CTDSPL2: variants seen among roughly 807,000 people sequenced by gnomAD.
CTDSPL2 encodes CTD small phosphatase-like protein 2.
In CTDSPL2, 5 loss-of-function variants were observed where a neutral mutation model predicts 60.0. That is an observed-to-expected ratio of 0.08 (90% confidence interval 0.04 to 0.18). The LOEUF is 0.18. Ranked by LOEUF, CTDSPL2 falls within the 10% of genes least tolerant of loss-of-function variation. The probability of loss-of-function intolerance (pLI) is 1.00; values close to 1 mark genes in which losing one functional copy is unlikely to be tolerated. For missense variants in CTDSPL2, 370 were observed against 548.8 expected, an observed-to-expected ratio of 0.67 and a Z score of 3.26; for synonymous variants, 186 against 189.3, an observed-to-expected ratio of 0.98 and a Z score of 0.14.
intron 8 of CTDSPL2, among the ~76,000 whole-genome samples, chr15:44,508,900 A>C (rs1456882757): frequency 6.6e-6 from 1 of 152,204 alleles, no homozygotes; most frequent in Admixed American, 6.5e-5. Context: ...CCTGGGTGAC[A>C]GAGTGAGACT....
At chr15:44,477,033 G>T (rs1249358079) in intron 2 of CTDSPL2, among the ~76,000 whole-genome samples, 3 of 152,152 alleles carry the variant, frequency 2.0e-5, no homozygotes, top group African/African-American at 7.2e-5. Context: ...AGACCAACCT[G>T]TGCAACATAG....
chr15:44,433,937 A>G (rs1447039337), intron 1 of CTDSPL2, among the ~76,000 whole-genome samples: 2 of 146,534 alleles, frequency 1.4e-5, no homozygotes, highest in African/African-American at 5.1e-5. Flanking sequence ...TGGGCAACAG[A>G]GCAAGACTCT....
chr15:44,440,320 G>A (rs377084143), intron 1 of CTDSPL2, among the ~76,000 whole-genome samples: 2 of 151,134 alleles, frequency 1.3e-5, no homozygotes, highest in East Asian at 1.9e-4. Context: ...CTCAGCCTCC[G>A]GAGTAGCTGG....
intron 8 of CTDSPL2, among the ~76,000 whole-genome samples, chr15:44,513,568 T>G (rs1198673016): frequency 6.6e-6 from 1 of 152,192 alleles, no homozygotes; most frequent in African/African-American, 2.4e-5. Flanking sequence ...ATGGGGGCAT[T>G]TTTGTGTGCA....
At chr15:44,447,173 C>G (rs1041934857) in intron 1 of CTDSPL2, among the ~76,000 whole-genome samples, 1 of 152,168 alleles carries the variant, frequency 6.6e-6, no homozygotes, top group Non-Finnish European at 1.5e-5. Flanking sequence ...ACAGACACTA[C>G]TTTATGTGGT....
intron 1 of CTDSPL2, among the ~76,000 whole-genome samples, chr15:44,457,904 G>A (rs754508534): frequency 1.3e-5 from 2 of 152,270 alleles, no homozygotes; most frequent in East Asian, 1.9e-4. Flanking sequence ...GAGCCACTGC[G>A]TGCCCAGCCT....
intron 8 of CTDSPL2, among the ~76,000 whole-genome samples, chr15:44,513,402 G>T (rs888862878): frequency 6.6e-6 from 1 of 152,206 alleles, no homozygotes; most frequent in Admixed American, 6.5e-5. Context: ...AGGAGGCGGA[G>T]GTTGCAGTGA....
intron 2 of CTDSPL2, among the ~76,000 whole-genome samples, chr15:44,470,954 CAAT>C (rs2080797040): frequency 6.6e-6 from 1 of 152,034 alleles, no homozygotes; most frequent in South Asian, 2.1e-4. Flanking sequence ...ACCTTAAACA[CAAT>C]AAAATACACC....
intron 1 of CTDSPL2, among the ~76,000 whole-genome samples, chr15:44,449,638 A>G (rs1313548272): frequency 2.6e-5 from 4 of 152,018 alleles, no homozygotes; most frequent in East Asian, 1.9e-4. Flanking sequence ...GCCTCAGTTC[A>G]GTATAAGGAA....
rs2081851673 is a variant in CTDSPL2, at chr15:44,525,087, T to TCAC, written c.*915_*917dup. ...ACAAATCTTTGAGGAGAAAGTTTGG[T>TCAC]CACCTGTTTGGCTTGATTTAGTTAC... is the stretch of plus-strand genomic sequence containing the variant. On this transcript the variant is annotated 3_prime_UTR_variant, in exon 13 of 13. Transcript: ENST00000260327. 1 of 252,250 alleles carries TCAC rather than the reference T, an allele frequency of 4.0e-6. No homozygotes were observed. Among genetic ancestry groups the TCAC allele is most frequent in the African/African-American group, 2.2e-5 (1 of 45,270 alleles). The allele number at this position is 252,250 out of a possible 1,614,324, so 15.6% of individuals were successfully genotyped here.
intron 8 of CTDSPL2, among the ~76,000 whole-genome samples, chr15:44,504,749 A>G (rs1406714333): frequency 6.6e-6 from 1 of 152,062 alleles, no homozygotes; most frequent in Non-Finnish European, 1.5e-5. Context: ...GAGCACCTAT[A>G]GTCCCAGCTA....
chr15:44,486,606 A>G lies in CTDSPL2; in HGVS notation c.381A>G (p.Glu127=). 1.3e-6 allele frequency: 2 copies of G among 1,593,752 alleles called. No individual in the cohort carries two copies. The highest frequency in any genetic ancestry group is 8.5e-7 in the Non-Finnish European group (1 of 1,170,532). ...ATGTAAAACAAAATGGAAAATTAGA[A>G]GATAATCCTTCCTCTGGCAGTCCTC... ...NQHVKQNGKL[E]DNPSSGSPPR... is the part of the protein sequence containing the mutation. Residue 127 remains glutamate (E), a synonymous_variant, in exon 4 of 13, where the codon GAA becomes GAG. Coordinates refer to ENST00000260327, the MANE Select transcript of CTDSPL2 (RefSeq NM_016396.3).
intron 1 of CTDSPL2, among the ~76,000 whole-genome samples, chr15:44,452,659 G>C (rs1460811296): frequency 1.3e-5 from 2 of 151,992 alleles, no homozygotes; most frequent in Non-Finnish European, 2.9e-5. Context: ...ATAGTAACAT[G>C]AGAATAAAGA....
intron 8 of CTDSPL2, among the ~76,000 whole-genome samples, chr15:44,512,560 A>G (rs781262225): frequency 6.6e-6 from 1 of 152,236 alleles, no homozygotes; most frequent in Non-Finnish European, 1.5e-5. Flanking sequence ...TAGTAAAATA[A>G]TATACATAAA....
intron 5 of CTDSPL2, among the ~76,000 whole-genome samples, chr15:44,493,677 A>G (rs1300646777): frequency 6.6e-6 from 1 of 152,102 alleles, no homozygotes; most frequent in Non-Finnish European, 1.5e-5. Flanking sequence ...CTTGCATACT[A>G]TAGTCCCAGC....
chr15:44,447,338 G>A (rs1035498385), intron 1 of CTDSPL2, among the ~76,000 whole-genome samples: 27 of 152,110 alleles, frequency 1.8e-4, no homozygotes, highest in African/African-American at 6.3e-4. Flanking sequence ...CCAGCAACTG[G>A]TATTTATTAT....
chr15:44,509,830 G>T (rs1000240130), intron 8 of CTDSPL2, among the ~76,000 whole-genome samples: 2 of 151,908 alleles, frequency 1.3e-5, no homozygotes, highest in African/African-American at 2.4e-5. Flanking sequence ...GGAGGCTGAG[G>T]CAGGAGAATC....
At chr15:44,485,804 C>T (rs1177074572) in intron 3 of CTDSPL2, among the ~76,000 whole-genome samples, 1 of 151,910 alleles carries the variant, frequency 6.6e-6, no homozygotes, top group African/African-American at 2.4e-5. Flanking sequence ...AAAAACAAAC[C>T]AGGAGGGAGA....
At chr15:44,459,252 G>T in intron 2 of CTDSPL2, 52 bp downstream of exon 2, 1 of 1,389,154 alleles carries the variant, frequency 7.2e-7, no homozygotes, top group African/African-American at 1.5e-5. Context: ...AATTGGCCGG[G>T]CACGGTGGCT....
Sources: allele counts gnomAD v4.1 joint callset (sites outside exome capture counted in the v4.1 genomes callset), GRCh38; gene constraint gnomAD v4.1.1; transcripts MANE v1.5; gene names NCBI Gene and HGNC (gene_info 2026-07-23, HGNC 2026-07-21).